HS6ST3: variants seen among roughly 807,000 people sequenced by gnomAD.
The protein encoded by HS6ST3 is heparan sulfate 6-O-sulfotransferase 3, also known as heparan-sulfate 6-O-sulfotransferase 3.
In HS6ST3, 12 loss-of-function variants were observed where a neutral mutation model predicts 36.7. The observed-to-expected ratio is 0.33, with a 90% CI of 0.21 to 0.53. HS6ST3 has a LOEUF of 0.53. Among genes scored for constraint, HS6ST3 ranks in the 20% least tolerant of loss-of-function variants. HS6ST3 has a pLI of 0.95. For missense variants in HS6ST3, 584 were observed against 640.9 expected (o/e 0.91, Z 0.96); for synonymous variants, 240 against 257.5 (o/e 0.93, Z 0.65).
chr13:96,379,817 C>T lies in HS6ST3; in HGVS notation c.707+288248C>T, dbSNP rs551079707. 2.0e-5 allele frequency among the ~76,000 whole-genome samples: 3 copies of T among 152,214 alleles called. No homozygotes were observed. In the East Asian group the frequency reaches 5.8e-4, roughly 29 times the overall value. ...GTTTGAGAACTGGGTTAAAAATTGC[C>T]TACAGTGAGGCTGTGCTTTATCAAA... On this transcript the variant is annotated intron_variant, in intron 1 of 1. Transcript: ENST00000376705.
chr13:96,229,773 AG>A (rs1257184877), intron 1 of HS6ST3, among the ~76,000 whole-genome samples: 1 of 152,032 alleles, frequency 6.6e-6, no homozygotes, highest in Admixed American at 6.5e-5. Flanking sequence ...TCACTATCTC[AG>A]GGGGAGACCC....
intron 1 of HS6ST3, among the ~76,000 whole-genome samples, chr13:96,742,734 C>A (rs759966631): frequency 5.9e-5 from 9 of 151,972 alleles, no homozygotes; most frequent in African/African-American, 9.7e-5. Context: ...AAAATAGAGT[C>A]TTATTTTTAT....
intron 1 of HS6ST3, among the ~76,000 whole-genome samples, chr13:96,309,534 T>C (rs2054930147): frequency 1.3e-5 from 2 of 152,142 alleles, no homozygotes; most frequent in African/African-American, 4.8e-5. Flanking sequence ...TGGGGCTCCA[T>C]AGATAGGTTT....
chr13:96,371,589 G>C (rs937201720), intron 1 of HS6ST3, among the ~76,000 whole-genome samples: 1 of 152,136 alleles, frequency 6.6e-6, no homozygotes, highest in African/African-American at 2.4e-5. Flanking sequence ...TTAGCTGCAA[G>C]TAAGTATTTT....
chr13:96,135,343 GCTCT>G (rs1252437569), intron 1 of HS6ST3, among the ~76,000 whole-genome samples: 3 of 152,058 alleles, frequency 2.0e-5, no homozygotes, highest in Non-Finnish European at 4.4e-5. Flanking sequence ...GAACTCTACT[GCTCT>G]CTGTTATGGT....
intron 1 of HS6ST3, among the ~76,000 whole-genome samples, chr13:96,139,541 GAA>G (rs57777280): frequency 0.079 from 5,196 of 66,038 alleles, 46 homozygotes; most frequent in East Asian, 0.23. Context: ...GTAAGATTCA[GAA>G]AAAAAAAAAA....
At chr13:96,776,173 TG>T (rs1877382811) in intron 1 of HS6ST3, among the ~76,000 whole-genome samples, 1 of 152,060 alleles carries the variant, frequency 6.6e-6, no homozygotes, top group African/African-American at 2.4e-5. Flanking sequence ...CCAGAATCTC[TG>T]GGATGCAGCT....
chr13:96,248,618 A>G (rs931066726), intron 1 of HS6ST3, among the ~76,000 whole-genome samples: 2 of 152,218 alleles, frequency 1.3e-5, no homozygotes, highest in African/African-American at 2.4e-5. Context: ...CTTAATTTAT[A>G]TAAATCAGAA....
intron 1 of HS6ST3, among the ~76,000 whole-genome samples, chr13:96,504,179 C>T (rs2056016726): frequency 6.6e-6 from 1 of 152,036 alleles, no homozygotes; most frequent in South Asian, 2.1e-4. Context: ...TACTGTTGTT[C>T]CCGGAGTACA....
intron 1 of HS6ST3, among the ~76,000 whole-genome samples, chr13:96,367,496 A>T (rs2055268846): frequency 6.6e-6 from 1 of 152,164 alleles, no homozygotes. Context: ...GTTGACTATG[A>T]CACTGGTACA....
chr13:96,513,001 C>T (rs551202869), intron 1 of HS6ST3, among the ~76,000 whole-genome samples: 5 of 151,792 alleles, frequency 3.3e-5, no homozygotes, highest in South Asian at 2.1e-4. Context: ...GGTTCTTATA[C>T]GCTTGAGAAT....
At chr13:96,621,036 G>A (rs1445756360) in intron 1 of HS6ST3, among the ~76,000 whole-genome samples, 1 of 152,204 alleles carries the variant, frequency 6.6e-6, no homozygotes, top group Admixed American at 6.5e-5. Context: ...GTTTTAGGCT[G>A]TGCTCAATTT....
chr13:96,666,503 A>T (rs558430532), intron 1 of HS6ST3, among the ~76,000 whole-genome samples: 1 of 152,182 alleles, frequency 6.6e-6, no homozygotes, highest in East Asian at 1.9e-4. Context: ...TATTAGATTA[A>T]GATTATTATA....
At chr13:96,268,196 C>A (rs1275281402) in intron 1 of HS6ST3, among the ~76,000 whole-genome samples, 1 of 151,678 alleles carries the variant, frequency 6.6e-6, no homozygotes, top group Non-Finnish European at 1.5e-5. Flanking sequence ...ACAATTTAGT[C>A]CTGTGTTAGT....
At chr13:96,182,344 G>A (rs773136902) in intron 1 of HS6ST3, among the ~76,000 whole-genome samples, 9 of 152,154 alleles carry the variant, frequency 5.9e-5, no homozygotes, top group African/African-American at 1.2e-4. Flanking sequence ...CCATAAAGGC[G>A]ATGTCTTAAT....
intron 1 of HS6ST3, among the ~76,000 whole-genome samples, chr13:96,597,365 G>T (rs562091955): frequency 6.6e-6 from 1 of 151,518 alleles, no homozygotes; most frequent in East Asian, 1.9e-4. Flanking sequence ...AAAAAAAAAG[G>T]TCATTCTGGC....
intron 1 of HS6ST3, among the ~76,000 whole-genome samples, chr13:96,279,320 A>G (rs2054763468): frequency 6.6e-6 from 1 of 152,160 alleles, no homozygotes; most frequent in African/African-American, 2.4e-5. Context: ...TTGTTTACTC[A>G]TATATTTATT....
intron 1 of HS6ST3, among the ~76,000 whole-genome samples, chr13:96,723,301 C>G (rs1186220547): frequency 6.6e-6 from 1 of 152,024 alleles, no homozygotes; most frequent in African/African-American, 2.4e-5. Context: ...TTCCTCTACC[C>G]TGCGATCCCC....
At chr13:96,289,230 AT>A (rs1399161417) in intron 1 of HS6ST3, among the ~76,000 whole-genome samples, 3 of 152,138 alleles carry the variant, frequency 2.0e-5, no homozygotes, top group African/African-American at 7.2e-5. Context: ...AACTCAAGTT[AT>A]TTTTTGAATT....
Sources: gnomAD v4.1 joint callset for allele counts (sites outside exome capture counted in the v4.1 genomes callset) on GRCh38, gnomAD v4.1.1 for gene constraint, MANE v1.5 for transcripts, NCBI Gene and HGNC (gene_info 2026-07-23, HGNC 2026-07-21) for gene names.